The following NAV1 variants were observed in gnomAD, a reference collection of about 807,000 sequenced individuals.
NAV1 encodes the protein pore membrane and/or filament interacting like protein 3.
Under a neutral mutation model 175.2 loss-of-function variants are expected in NAV1, and 18 were observed. The ratio of observed to expected loss-of-function variants is 0.10; its 90% CI spans 0.07 to 0.15. NAV1 has a LOEUF of 0.15. Ranked by LOEUF, NAV1 falls within the 10% of genes least tolerant of loss-of-function variation. NAV1 has a pLI of 1.00. For synonymous variants in NAV1, 897 were observed against 978.7 expected (o/e 0.92, Z 1.56); for missense variants, 1,731 against 2,436.6 (o/e 0.71, Z 6.10).
At chr1:201,558,089 C>T (rs114122982) in intron 1 of NAV1, among the ~76,000 whole-genome samples, 72 of 152,344 alleles carry the variant, frequency 4.7e-4, no homozygotes, top group African/African-American at 1.6e-3. Flanking sequence ...TCAATGTTTT[C>T]GTGCTTTGTA....
intron 3 of NAV1, among the ~76,000 whole-genome samples, chr1:201,727,902 C>G (rs905634944): frequency 6.6e-6 from 1 of 152,166 alleles, no homozygotes; most frequent in African/African-American, 2.4e-5. Flanking sequence ...TTCAAGCCTG[C>G]TGCACATAGG....
At chr1:201,756,822 TTCTTTCTTTC>T (rs1202097907) in intron 3 of NAV1, among the ~76,000 whole-genome samples, 3 of 24,794 alleles carry the variant, frequency 1.2e-4, no homozygotes, top group Admixed American at 4.0e-4. Flanking sequence ...CTTTCTTTCT[TTCTTTCTTTC>T]TTTCTTTCTT....
rs1409069669 is a variant in NAV1 at position 201,785,208 on chromosome 1, G to C, written c.2805-102G>C. 7 of 1,201,464 alleles carry C rather than the reference G, an allele frequency of 5.8e-6. No homozygotes were observed. In the Admixed American group the frequency reaches 8.5e-5, roughly 15 times the overall value. 74.4% of individuals were successfully genotyped at this position (1,201,464 alleles called of 1,614,324 possible). On this transcript the variant is annotated intron_variant, in intron 7 of 29. Coordinates refer to ENST00000367296, the Ensembl canonical transcript of NAV1. The stretch of plus-strand genomic sequence containing the variant: ...GTCATAGTTTGATGTCCTGCGTCTA[G>C]GGTCTGCATACCTCACACCAATGGT...
chr1:201,785,620 T>C (rs1221645327), intron 8 of NAV1, among the ~76,000 whole-genome samples: 1 of 152,130 alleles, frequency 6.6e-6, no homozygotes, highest in African/African-American at 2.4e-5. Flanking sequence ...TACTAGCCTA[T>C]GCCATCCCAA....
intron 1 of NAV1, among the ~76,000 whole-genome samples, chr1:201,693,931 G>A (rs1671069732): frequency 6.6e-6 from 1 of 152,190 alleles, no homozygotes; most frequent in African/African-American, 2.4e-5. Flanking sequence ...TTGGGGGCTG[G>A]GGGCTGGGGG....
intron 1 of NAV1, among the ~76,000 whole-genome samples, chr1:201,707,288 G>C (rs556509281): frequency 1.3e-5 from 2 of 152,298 alleles, no homozygotes; most frequent in South Asian, 4.2e-4. Flanking sequence ...CAGCCCGAGG[G>C]TGCACCCGTT....
chr1:201,719,866 T>C (rs1672300579), intron 3 of NAV1, among the ~76,000 whole-genome samples: 1 of 151,968 alleles, frequency 6.6e-6, no homozygotes, highest in Non-Finnish European at 1.5e-5. Context: ...AAGTAGCCTC[T>C]CCTCGGAAAA....
intron 3 of NAV1, among the ~76,000 whole-genome samples, chr1:201,776,281 G>C (rs1571481104): frequency 1.4e-5 from 2 of 142,726 alleles, no homozygotes. Context: ...GGGAGCCCCA[G>C]GTGGGAGGAT....
chr1:201,644,259 AGT>A (rs1475736902), upstream of NAV1, among the ~76,000 whole-genome samples: 3 of 152,262 alleles, frequency 2.0e-5, no homozygotes, highest in African/African-American at 7.2e-5. Context: ...TAAATGGCCG[AGT>A]GGGAGGGGCT....
chr1:201,628,351 A>G lies in NAV1; in HGVS notation c.-100-1053A>G, dbSNP rs1000468140. Reference sequence around the variant, plus strand: ...GCTGAGCAGAAGCAGCAAACACCTCACAACCCTAGACTGTAAAACAGATCC... The same window carrying G: ...GCTGAGCAGAAGCAGCAAACACCTCGCAACCCTAGACTGTAAAACAGATCC... On this transcript the variant is annotated intron_variant, in intron 1 of 29. Transcript: ENST00000367302. Among the ~76,000 whole-genome samples, 12 of 152,090 alleles carry G rather than the reference A, an allele frequency of 7.9e-5. 1 individual carries two copies. Among genetic ancestry groups the G allele is most frequent in the Admixed American group, 5.2e-4 (8 of 15,278 alleles).
intron 2 of NAV1, among the ~76,000 whole-genome samples, chr1:201,616,540 T>G (rs953170437): frequency 3.9e-5 from 6 of 151,990 alleles, no homozygotes; most frequent in African/African-American, 1.2e-4. Context: ...CAGGCTGGAG[T>G]GCAATAGCGC....
intron 5 of NAV1, among the ~76,000 whole-genome samples, chr1:201,781,536 G>T (rs1049504955): frequency 2.6e-5 from 4 of 152,156 alleles, no homozygotes; most frequent in African/African-American, 9.7e-5. Context: ...TTAAGTGGCT[G>T]GGCCAAAATC....
At chr1:201,662,336 A>G (rs1669643914) in intron 1 of NAV1, among the ~76,000 whole-genome samples, 1 of 152,202 alleles carries the variant, frequency 6.6e-6, no homozygotes, top group Non-Finnish European at 1.5e-5. Context: ...ATGCACTTTT[A>G]CCACTATCTG....
chr1:201,648,500 C>T, exon 1 of NAV1: 1 of 1,234,962 alleles, frequency 8.1e-7, no homozygotes, highest in South Asian at 4.1e-5. Context: ...GCTTGCCTCT[C>T]TCCCTCCTCC....
chr1:201,758,642 CAA>C (rs748588748), intron 3 of NAV1, among the ~76,000 whole-genome samples: 3 of 152,136 alleles, frequency 2.0e-5, no homozygotes, highest in Non-Finnish European at 4.4e-5. Context: ...CCTTTTTGTG[CAA>C]AGAGTCCCTA....
intron 1 of NAV1, among the ~76,000 whole-genome samples, chr1:201,688,799 T>G (rs893517876): frequency 6.6e-6 from 1 of 152,238 alleles, no homozygotes; most frequent in Non-Finnish European, 1.5e-5. Flanking sequence ...TGTCCTTTTA[T>G]CTCTCTTCCC....
chr1:201,660,170 A>T (rs1571868776), intron 1 of NAV1, among the ~76,000 whole-genome samples: 1 of 152,286 alleles, frequency 6.6e-6, no homozygotes, highest in African/African-American at 2.4e-5. Context: ...GAGTCACAAC[A>T]GCAGGGAAGG....
chr1:201,641,442 A>G (rs1014515203), intron 2 of NAV1, among the ~76,000 whole-genome samples: 2 of 152,132 alleles, frequency 1.3e-5, no homozygotes, highest in Non-Finnish European at 2.9e-5. Flanking sequence ...CAAGGCTCCC[A>G]TCTCACTGGA....
At chr1:201,666,008 G>T (rs1669810597) in intron 1 of NAV1, among the ~76,000 whole-genome samples, 1 of 152,134 alleles carries the variant, frequency 6.6e-6, no homozygotes, top group African/African-American at 2.4e-5. Flanking sequence ...AAGTGAAGGA[G>T]CAGGGAGCTC....
Sources: gnomAD v4.1 joint callset for allele counts (sites outside exome capture counted in the v4.1 genomes callset) on GRCh38, gnomAD v4.1.1 for gene constraint, MANE v1.5 for transcripts, NCBI Gene and HGNC (gene_info 2026-07-23, HGNC 2026-07-21) for gene names.